Variants in RCSD1 observed in about 807,000 individuals in gnomAD.
The protein encoded by RCSD1 is RCSD domain containing 1.
A neutral mutation model predicts 42.5 loss-of-function variants in RCSD1; 26 were observed. The ratio of observed to expected loss-of-function variants is 0.61; its 90% confidence interval spans 0.45 to 0.85. RCSD1 has a LOEUF of 0.85. Ranked by LOEUF, RCSD1 falls within the 40% of genes least tolerant of loss-of-function variation. The pLI is 0.00. For missense variants in RCSD1, 571 were observed against 528.3 expected, an observed-to-expected ratio of 1.08 and a Z score of -0.79; for synonymous variants, 220 against 212.2, an observed-to-expected ratio of 1.04 and a Z score of -0.32.
intron 1 of RCSD1, among the ~76,000 whole-genome samples, chr1:167,660,309 A>G (rs746280733): frequency 2.0e-4 from 30 of 152,144 alleles, no homozygotes; most frequent in Non-Finnish European, 4.0e-4. Context: ...AACACTGTCT[A>G]TAATCACGTT....
chr1:167,653,991 G>T (rs1658367790), intron 1 of RCSD1, among the ~76,000 whole-genome samples: 1 of 152,190 alleles, frequency 6.6e-6, no homozygotes, highest in Non-Finnish European at 1.5e-5. Flanking sequence ...CTGCAGCTTT[G>T]TCACCTTTGT....
intron 5 of RCSD1, among the ~76,000 whole-genome samples, chr1:167,695,827 T>C (rs7548083): frequency 0.18 from 27,309 of 152,120 alleles, 3,377 homozygotes; most frequent in African/African-American, 0.35. Context: ...AGCCCACTTA[T>C]ATACTGATTT....
chr1:167,698,885 C>T (rs567406692), intron 6 of RCSD1, among the ~76,000 whole-genome samples: 8 of 152,036 alleles, frequency 5.3e-5, no homozygotes. Flanking sequence ...CTGCAAGCTC[C>T]GCCTCCCGAG....
chr1:167,672,210 C>T (rs1658827701), intron 1 of RCSD1, among the ~76,000 whole-genome samples: 1 of 152,228 alleles, frequency 6.6e-6, no homozygotes, highest in South Asian at 2.1e-4. Context: ...CTAGCTCTCT[C>T]CACTGGAATG....
intron 1 of RCSD1, among the ~76,000 whole-genome samples, chr1:167,640,996 C>A (rs138934686): frequency 4.6e-5 from 7 of 152,182 alleles, no homozygotes; most frequent in African/African-American, 1.7e-4. Flanking sequence ...CCCGAGCCCC[C>A]ACTAGTGCCT....
chr1:167,672,137 C>T (rs1658826197), intron 1 of RCSD1, among the ~76,000 whole-genome samples: 1 of 152,200 alleles, frequency 6.6e-6, no homozygotes. Context: ...GAGGTGGAGG[C>T]TGACACTCTC....
At chr1:167,636,862 A>G (rs773946550) in intron 1 of RCSD1, among the ~76,000 whole-genome samples, 1 of 152,174 alleles carries the variant, frequency 6.6e-6, no homozygotes, top group African/African-American at 2.4e-5. Flanking sequence ...CTGGGATTAC[A>G]GGCCACCACG....
At chr1:167,676,029 C>T (rs986995936) in intron 1 of RCSD1, among the ~76,000 whole-genome samples, 2 of 152,212 alleles carry the variant, frequency 1.3e-5, no homozygotes, top group African/African-American at 4.8e-5. Context: ...AATTATCAAA[C>T]ACTTCCTACA....
In RCSD1 at chr1:167,685,478, C is replaced by G. The variant is rs139623754; in HGVS notation, c.166C>G (p.Pro56Ala). 212 of 1,613,970 alleles carry G rather than the reference C, an allele frequency of 1.3e-4. 1 individual carries two copies. The highest frequency in any genetic ancestry group is 8.2e-4 in the Middle Eastern group (5 of 6,062). Residue 56 changes from proline (P) to alanine (A), a missense_variant, in exon 3 of 7, where the codon CCC (proline) becomes GCC (alanine). Physicochemically the swap from Pro to Ala is conservative, Grantham distance 27. Transcript: ENST00000367854. ...GCCCTGTTCCCTCCCCCTGTTCCCC[C>G]CCAAGGTAGACCTGGGCCAGAATGG... ...KPPCSLPLFPPKVDLGQNGEE... is the reference protein window; with the variant it reads ...KPPCSLPLFPAKVDLGQNGEE...
chr1:167,666,953 A>G (rs577816561), intron 1 of RCSD1, among the ~76,000 whole-genome samples: 52 of 152,366 alleles, frequency 3.4e-4, no homozygotes, highest in African/African-American at 1.2e-3. Context: ...AGGGAAACCA[A>G]AAGATTGGAG....
rs751872475 is a variant in RCSD1, at chr1:167,690,117, TC to T, written c.268del (p.Gln90ArgfsTer4). 1 of 1,613,958 alleles carries T rather than the reference TC, an allele frequency of 6.2e-7. No individual in the cohort carries two copies. The highest frequency in any genetic ancestry group is 8.5e-7 in the Non-Finnish European group (1 of 1,179,958). ...AGAGCTCGCCTCTGATTGAGAAGCT[TC>T]AGGTAAGTGCAGAATTCATTGTCTA... is the stretch of plus-strand genomic sequence containing the variant. ...VKSSPLIEKL[Q>X]ANLTFDPAAL... On this transcript the variant is annotated frameshift_variant and splice_region_variant, in exon 4 of 7. Coordinates refer to ENST00000367854, the MANE Select transcript of RCSD1 (RefSeq NM_052862.4). LOFTEE classifies it high-confidence loss of function.
At chr1:167,669,263 C>T (rs1367873255) in intron 1 of RCSD1, among the ~76,000 whole-genome samples, 1 of 152,208 alleles carries the variant, frequency 6.6e-6, no homozygotes, top group African/African-American at 2.4e-5. Context: ...ACCATTGGTG[C>T]AGATACAGAC....
intron 1 of RCSD1, among the ~76,000 whole-genome samples, chr1:167,672,058 ACTC>A (rs1200353582): frequency 2.0e-5 from 3 of 151,898 alleles, no homozygotes; most frequent in Non-Finnish European, 4.4e-5. Flanking sequence ...AGCACCCACA[ACTC>A]AATGTCAACT....
intron 1 of RCSD1, among the ~76,000 whole-genome samples, chr1:167,677,926 G>A (rs1299663227): frequency 1.3e-5 from 2 of 152,156 alleles, no homozygotes; most frequent in East Asian, 1.9e-4. Flanking sequence ...TCTTATTCAG[G>A]AATAAAGTGG....
intron 1 of RCSD1, among the ~76,000 whole-genome samples, chr1:167,637,756 AC>A (rs1558070496): frequency 1.3e-5 from 2 of 151,986 alleles, no homozygotes; most frequent in African/African-American, 4.8e-5. Flanking sequence ...ACACACACAC[AC>A]ACACACACCC....
In RCSD1 at chr1:167,707,673, T is replaced by A. The variant is rs1328811743; in HGVS notation, c.*2977T>A. Among the ~76,000 whole-genome samples, 1 of 72,502 alleles carries A rather than the reference T, an allele frequency of 1.4e-5. No homozygotes were observed. The highest frequency in any genetic ancestry group is 2.9e-5 in the Non-Finnish European group (1 of 34,548). The allele number at this position is 72,502 out of a possible 152,430, so 47.6% of individuals were successfully genotyped here. A position where few individuals can be genotyped will look rare whatever the true frequency, so the allele number is the denominator to read the frequency against. ...TCTTTTTTCTCTTCTTTTCTCTTCT[T>A]TTTTTTTGAATGAGACAGAGTCTCG... On this transcript the variant is annotated 3_prime_UTR_variant, in exon 7 of 7. Coordinates refer to ENST00000367854, the MANE Select transcript of RCSD1 (RefSeq NM_052862.4).
At chr1:167,699,177 G>T (rs966127408) in intron 6 of RCSD1, among the ~76,000 whole-genome samples, 2 of 152,112 alleles carry the variant, frequency 1.3e-5, no homozygotes, top group Admixed American at 1.3e-4. Context: ...CAACCAGCAG[G>T]TTTGGTTTGT....
At chr1:167,694,998 G>A (rs181504695) in intron 5 of RCSD1, among the ~76,000 whole-genome samples, 5 of 152,276 alleles carry the variant, frequency 3.3e-5, no homozygotes, top group Admixed American at 6.5e-5. Flanking sequence ...TGGTGCCAGA[G>A]AATGCTAAAT....
At chr1:167,652,210 C>T (rs992241518) in intron 1 of RCSD1, among the ~76,000 whole-genome samples, 10 of 151,870 alleles carry the variant, frequency 6.6e-5, no homozygotes, top group African/African-American at 2.4e-4. Context: ...TTAGTAGAGA[C>T]GGGGTTTCAC....
Sources: allele counts gnomAD v4.1 joint callset (sites outside exome capture counted in the v4.1 genomes callset), GRCh38; gene constraint gnomAD v4.1.1; transcripts MANE v1.5; gene names NCBI Gene and HGNC (gene_info 2026-07-23, HGNC 2026-07-21).